RNF213: variants seen among roughly 807,000 people sequenced by gnomAD.
RNF213 encodes the protein ring finger protein 213, also known as E3 ubiquitin-protein ligase RNF213.
Under a neutral mutation model 514.4 loss-of-function variants are expected in RNF213, and 341 were observed. The observed-to-expected ratio is 0.66, with a 90% CI of 0.61 to 0.73. RNF213 has a LOEUF of 0.73. Ranked by LOEUF, RNF213 falls within the 30% of genes least tolerant of loss-of-function variation. The pLI is 0.00. For missense variants in RNF213, 5,767 were observed against 6,615.6 expected, an observed-to-expected ratio of 0.87 and a Z score of 4.45; for synonymous variants, 2,655 against 2,658.2, an observed-to-expected ratio of 1.00 and a Z score of 0.04.
At chr17:80,351,890 C>G in intron 32 of RNF213, 87 bp downstream of exon 32, 2 of 771,968 alleles carry the variant, frequency 2.6e-6, no homozygotes, top group Non-Finnish European at 4.4e-6. Flanking sequence ...GAGTCTTGCT[C>G]TGTCACCAGG....
rs1196126280 is a variant in RNF213, at chr17:80,363,204, C to T, written c.11458C>T (p.Arg3820Cys). Residue 3820 changes from arginine (R) to cysteine (C), a missense_variant, in exon 40 of 68, where the codon CGT becomes TGT. Physicochemically the swap from Arg to Cys is radical, Grantham distance 180 (BLOSUM62 -3). This residue lies in a region of RNF213 where 355 missense variants were observed against 358.0 expected (regional missense o/e 0.99). Transcript: ENST00000582970. ...ACCGTGGGTGCACCTTGCCTACCAGCGTTTCAGAAGCCGTCTGCAGAACTT... is the reference window on the plus strand; with the variant it reads ...ACCGTGGGTGCACCTTGCCTACCAGTGTTTCAGAAGCCGTCTGCAGAACTT... ...SLPWVHLAYQ[R>C]FRSRLQNFSR... is the part of the protein sequence containing the mutation. 1.2e-5 allele frequency: 19 copies of T among 1,614,106 alleles called. No individual in the cohort carries two copies. The highest frequency in any genetic ancestry group is 2.2e-5 in the South Asian group (2 of 91,084).
rs1052303109 is a variant in RNF213, at chr17:80,390,705, C to A, written c.15470+509C>A. On this transcript the variant is annotated intron_variant, in intron 67 of 67. Coordinates refer to ENST00000582970, the MANE Select transcript of RNF213 (RefSeq NM_001256071.3). The stretch of plus-strand genomic sequence containing the variant: ...GAGCCACTACACCCAGCCTAAAAGT[C>A]ATATATTCTAATTTTATAACAAGTA... Among the ~76,000 whole-genome samples the A allele has an allele frequency of 1.1e-4, 7 of 62,648 alleles. No individual in the cohort carries two copies. The East Asian group carries it at 1.9e-3, about 17-fold the overall frequency. 41.1% of individuals were successfully genotyped at this position (62,648 alleles called of 152,430 possible). A position where few individuals can be genotyped will look rare whatever the true frequency, so the allele number is the denominator to read the frequency against.
intron 32 of RNF213, chr17:80,352,613 C>T: frequency 1.7e-6 from 1 of 584,038 alleles, no homozygotes; most frequent in Non-Finnish European, 3.1e-6. Flanking sequence ...TGTCCCCCAC[C>T]CCTCACTAAC....
chr17:80,265,129 C>T (rs1174694767), intron 2 of RNF213, among the ~76,000 whole-genome samples: 4 of 151,490 alleles, frequency 2.6e-5, no homozygotes, highest in Non-Finnish European at 5.9e-5. Context: ...TCACTGCAAC[C>T]TCTGCCTCCC....
chr17:80,370,113 A>G (rs1299730133), intron 46 of RNF213, among the ~76,000 whole-genome samples: 1 of 152,172 alleles, frequency 6.6e-6, no homozygotes, highest in Non-Finnish European at 1.5e-5. Flanking sequence ...CCGTGAAGGG[A>G]CCACAGTGGC....
Position 80,383,671 on chromosome 17 carries a change from A to G in RNF213, c.14071-6A>G, listed in dbSNP as rs1390529444. 13 of 1,613,734 alleles carry G rather than the reference A, an allele frequency of 8.1e-6. No individual in the cohort carries two copies. Among genetic ancestry groups the G allele is most frequent in the Non-Finnish European group, 1.0e-5 (12 of 1,179,928 alleles). On this transcript the variant is annotated splice_region_variant and splice_polypyrimidine_tract_variant and intron_variant, in intron 58 of 67. Coordinates refer to ENST00000582970, the MANE Select transcript of RNF213 (RefSeq NM_001256071.3). ...CAGAATTTTTTTTTTCATTTTCTCC[A>G]TCCAGCATCTAGATAAAACCCTTCC...
Position 80,358,529 on chromosome 17 carries a change from C to T in RNF213, c.11054+50C>T, listed in dbSNP as rs191379510. The T allele has an allele frequency of 1.3e-4, 204 of 1,537,020 alleles. No individual in the cohort carries two copies. In the African/African-American group the frequency reaches 1.8e-3, roughly 14 times the overall value. Reference sequence around the variant, plus strand: ...GGGGAGAGAAACTATCAGAACACAGCAGGACCCTAATATGCTCTCCCAAGT... The same window carrying T: ...GGGGAGAGAAACTATCAGAACACAGTAGGACCCTAATATGCTCTCCCAAGT... On this transcript the variant is annotated intron_variant, in intron 37 of 67. Coordinates refer to ENST00000582970, the MANE Select transcript of RNF213 (RefSeq NM_001256071.3).
In RNF213 at chr17:80,343,767, G is replaced by A; in HGVS notation, c.6184-90G>A. ...TGATGTTGATCATCAGGATCATCGT[G>A]ACAAAGAGCAAAATAAGGAGGGGTT... is the stretch of plus-strand genomic sequence containing the variant. On this transcript the variant is annotated intron_variant, in intron 27 of 67. Transcript: ENST00000582970. This position sits in a 1 kb window ranked among gnomAD's most constrained non-coding sequence, Gnocchi z 4.3. The A allele has an allele frequency of 5.1e-6, 7 of 1,379,072 alleles. No homozygotes were observed. In the South Asian group the frequency reaches 8.2e-5, roughly 16 times the overall value. The allele number at this position is 1,379,072 out of a possible 1,614,324, so 85.4% of individuals were successfully genotyped here. A position where few individuals can be genotyped will look rare whatever the true frequency, so the allele number is the denominator to read the frequency against.
chr17:80,389,414 TCTC>T, intron 65 of RNF213, 47 bp downstream of exon 65: 1 of 1,555,572 alleles, frequency 6.4e-7, no homozygotes, highest in Non-Finnish European at 8.9e-7. Context: ...CTCACCCTGG[TCTC>T]CTGCTTCCCG....
intron 51 of RNF213, 75 bp from the exon 52 acceptor site, chr17:80,376,226 G>C: frequency 6.6e-7 from 1 of 1,513,334 alleles, no homozygotes; most frequent in Admixed American, 1.7e-5. Context: ...TGTGTATTTG[G>C]TGTCAGTGTA....
chr17:80,347,857 G>A lies in RNF213; in HGVS notation c.9522G>A (p.Leu3174=). Residue 3174 remains leucine, a synonymous_variant, in exon 29 of 68, where the codon CTG becomes CTA. Coordinates refer to ENST00000582970, the MANE Select transcript of RNF213 (RefSeq NM_001256071.3). The surrounding 1 kb of genome is among the most constrained non-coding windows in gnomAD (Gnocchi z 7.2). ...TTAACCGGCTGGAGAAGCACTATCT[G>A]GATATCAACACGGTGCTGGAGAAAT... ...PLINRLEKHY[L]DINTVLEKWQ... is the part of the protein sequence containing the mutation. 6.2e-7 allele frequency: 1 copy of A among 1,614,192 alleles called. No homozygotes were observed. Among genetic ancestry groups the A allele is most frequent in the Non-Finnish European group, 8.5e-7 (1 of 1,180,030 alleles).
At chr17:80,357,163 C>T (rs189503951) in intron 36 of RNF213, among the ~76,000 whole-genome samples, 4 of 152,242 alleles carry the variant, frequency 2.6e-5, no homozygotes, top group Non-Finnish European at 4.4e-5. Context: ...GTGATCCGCC[C>T]GCCTCAGCCT....
At position 80,345,663 on chromosome 17, in the gene RNF213, C is replaced by T. The variant is rs143208661; in HGVS notation, c.7328C>T (p.Ala2443Val). 1.9e-4 allele frequency: 308 copies of T among 1,614,216 alleles called. 1 individual carries two copies. The African/African-American group carries it at 3.8e-3, about 20-fold the overall frequency. The stretch of plus-strand genomic sequence containing the variant: ...GACCTGCGGCGTGGTGGTACCAATG[C>T]TGACACCATAAAGCTGGTCAAGGTG... ...LSDLRRGGTNADTIKLVKVHG... is the reference protein window; with the variant it reads ...LSDLRRGGTNVDTIKLVKVHG... The change falls in exon 29 of 68, where the codon GCT becomes GTT. Residue 2443 changes from alanine to valine, a missense_variant. By Grantham distance (64) the Ala-to-Val change is moderately conservative. Around this residue, in one of 13 missense-constraint regions of RNF213, gnomAD observed 1,377 missense variants for 1,635.2 expected, o/e 0.84. Coordinates refer to ENST00000582970, the MANE Select transcript of RNF213 (RefSeq NM_001256071.3). This position sits in a 1 kb window ranked among gnomAD's most constrained non-coding sequence, Gnocchi z 6.0.
intron 37 of RNF213, among the ~76,000 whole-genome samples, chr17:80,359,858 G>C (rs1442612281): frequency 1.3e-5 from 2 of 152,168 alleles, no homozygotes; most frequent in Non-Finnish European, 2.9e-5. Context: ...TTTTGCCTGT[G>C]AAACAAAGAT....
chr17:80,293,992 C>T (rs1176939894), intron 8 of RNF213, among the ~76,000 whole-genome samples: 1 of 152,172 alleles, frequency 6.6e-6, no homozygotes, highest in African/African-American at 2.4e-5. Context: ...GGGTCGAAAG[C>T]ATGGCAGGGG....
intron 30 of RNF213, 134 bp downstream of exon 30, chr17:80,350,040 T>C: frequency 1.9e-6 from 2 of 1,029,020 alleles, no homozygotes; most frequent in Non-Finnish European, 3.0e-6. Context: ...TTGTTAAATC[T>C]CTCCCAGCAT....
chr17:80,329,023 A>G (rs908498905), intron 20 of RNF213, among the ~76,000 whole-genome samples: 2 of 152,190 alleles, frequency 1.3e-5, no homozygotes, highest in African/African-American at 4.8e-5. Flanking sequence ...TTCCATCGCA[A>G]TCTCTGCCGA....
At chr17:80,270,347 C>G (rs571483976) in intron 2 of RNF213, among the ~76,000 whole-genome samples, 1 of 152,214 alleles carries the variant, frequency 6.6e-6, no homozygotes, top group South Asian at 2.1e-4. Context: ...GCCCTCTGAG[C>G]CAGGCTGGCC....
chr17:80,339,094 C>A, intron 25 of RNF213, 107 bp from the exon 26 acceptor site: 5 of 894,518 alleles, frequency 5.6e-6, no homozygotes, highest in South Asian at 1.9e-5. Flanking sequence ...TGCAGTGGGC[C>A]TGTGGACAGG....
Sources: allele counts gnomAD v4.1 joint callset (sites outside exome capture counted in the v4.1 genomes callset), GRCh38; gene constraint gnomAD v4.1.1; regional missense constraint gnomAD v4.1.1; non-coding constraint Gnocchi (gnomAD v3.1); transcripts MANE v1.5; gene names NCBI Gene and HGNC (gene_info 2026-07-23, HGNC 2026-07-21).